Variants in RANBP2 observed in about 807,000 individuals in gnomAD.
The protein encoded by RANBP2 is RAN binding protein 2.
In RANBP2, 57 loss-of-function variants were observed where a neutral mutation model predicts 303.6. The ratio of observed to expected loss-of-function variants is 0.19; its 90% confidence interval spans 0.15 to 0.23. The LOEUF is 0.23. Ranked by LOEUF, RANBP2 falls within the 10% of genes least tolerant of loss-of-function variation. RANBP2 has a pLI of 1.00. For missense variants in RANBP2, 3,138 were observed against 3,780.8 expected (o/e 0.83, Z 4.46); for synonymous variants, 1,167 against 1,301.5 (o/e 0.90, Z 2.23).
chr2:109,706,763 G>A, the RANBP2 span, among the ~76,000 whole-genome samples: 2 of 152,236 alleles, frequency 1.3e-5, no homozygotes, highest in African/African-American at 2.4e-5. Context: ...GAATGAATGA[G>A]TGAATGAGCA....
the RANBP2 span, among the ~76,000 whole-genome samples, chr2:109,648,652 C>CTTTT: frequency 7.6e-6 from 1 of 131,316 alleles, no homozygotes. Flanking sequence ...TGATTTACAT[C>CTTTT]TTTTTTTTTT....
chr2:109,739,114 G>A, the RANBP2 span, among the ~76,000 whole-genome samples: 1 of 129,286 alleles, frequency 7.7e-6, no homozygotes, highest in African/African-American at 3.1e-5. Flanking sequence ...ATTGGTCTAT[G>A]TACATGGTTT....
chr2:109,138,803 T>C, the RANBP2 span, among the ~76,000 whole-genome samples: 1 of 152,222 alleles, frequency 6.6e-6, no homozygotes, highest in Non-Finnish European at 1.5e-5. Context: ...GTGATGTTAA[T>C]AATTAATTCA....
At chr2:109,380,728 C>T in the RANBP2 span, among the ~76,000 whole-genome samples, 1 of 152,168 alleles carries the variant, frequency 6.6e-6, no homozygotes, top group Admixed American at 6.5e-5. Context: ...TGCCATAGTT[C>T]CTGAGGTTTG....
the RANBP2 span, among the ~76,000 whole-genome samples, chr2:109,349,424 G>A: frequency 6.6e-6 from 1 of 152,102 alleles, no homozygotes; most frequent in East Asian, 1.9e-4. Flanking sequence ...CCACTCAGTC[G>A]GAGGGCGAGA....
At chr2:109,502,684 A>G in the RANBP2 span, 3 of 152,146 alleles carry the variant, frequency 2.0e-5, no homozygotes, top group Admixed American at 6.6e-5. Flanking sequence ...CAAGACCTGG[A>G]AACATTTCGA....
the RANBP2 span, among the ~76,000 whole-genome samples, chr2:109,189,367 C>CTTTTTT: frequency 2.7e-5 from 4 of 147,970 alleles, no homozygotes; most frequent in Non-Finnish European, 4.5e-5. Context: ...AGTCGTTTGA[C>CTTTTTT]TTTTTTTTTT....
chr2:109,064,612 G>A, the RANBP2 span, among the ~76,000 whole-genome samples: 2 of 152,098 alleles, frequency 1.3e-5, no homozygotes, highest in African/African-American at 2.4e-5. Flanking sequence ...AAAGTGCTAC[G>A]GAAATTCGTT....
chr2:109,197,154 C>T, the RANBP2 span, among the ~76,000 whole-genome samples: 1 of 152,294 alleles, frequency 6.6e-6, no homozygotes, highest in Non-Finnish European at 1.5e-5. Context: ...CTCCTGAGCT[C>T]CTGCTGCAGC....
the RANBP2 span, among the ~76,000 whole-genome samples, chr2:109,694,811 G>A: frequency 4.7e-5 from 7 of 150,094 alleles, no homozygotes; most frequent in Non-Finnish European, 1.0e-4. Context: ...ATGTGTGTGT[G>A]TGTGTGTGTG....
the RANBP2 span, among the ~76,000 whole-genome samples, chr2:109,029,579 C>T: frequency 6.6e-6 from 1 of 152,240 alleles, no homozygotes; most frequent in Non-Finnish European, 1.5e-5. Flanking sequence ...GCATGTGTGT[C>T]CCTGCCGGGC....
chr2:109,399,030 C>T, the RANBP2 span: 1 of 1,382,216 alleles, frequency 7.2e-7, no homozygotes, highest in Non-Finnish European at 9.8e-7. Context: ...CGTTCCTCAA[C>T]TAGCATGGAG....
chr2:109,410,246 C>T, the RANBP2 span, among the ~76,000 whole-genome samples: 3 of 152,338 alleles, frequency 2.0e-5, no homozygotes, highest in East Asian at 1.9e-4. Context: ...TGAAACACAT[C>T]GCCGTCACAG....
chr2:108,981,842 T>C, the RANBP2 span, among the ~76,000 whole-genome samples: 1 of 152,162 alleles, frequency 6.6e-6, no homozygotes, highest in African/African-American at 2.4e-5. Context: ...TGTGAAGCAG[T>C]GATGATTGTC....
At chr2:109,748,753 AT>A in the RANBP2 span, among the ~76,000 whole-genome samples, 1 of 151,430 alleles carries the variant, frequency 6.6e-6, no homozygotes, top group Admixed American at 6.6e-5. Flanking sequence ...TATGCCTCTA[AT>A]CCCAGCTACT....
the RANBP2 span, among the ~76,000 whole-genome samples, chr2:109,368,708 T>TAAAAAAAAA: frequency 7.3e-6 from 1 of 136,798 alleles, no homozygotes; most frequent in Non-Finnish European, 1.6e-5. Context: ...GTATTTTCTT[T>TAAAAAAAAA]AAAAAAAAAA....
the RANBP2 span, among the ~76,000 whole-genome samples, chr2:108,999,129 C>T: frequency 6.6e-6 from 1 of 152,244 alleles, no homozygotes. Context: ...CTGGAGATGC[C>T]TGGGTGCCGA....
chr2:109,218,230 A>G, the RANBP2 span, among the ~76,000 whole-genome samples: 1 of 151,916 alleles, frequency 6.6e-6, no homozygotes. Context: ...AGGGTCCTTC[A>G]TGTGGCATGG....
chr2:109,475,297 C>T, the RANBP2 span, among the ~76,000 whole-genome samples: 1 of 152,184 alleles, frequency 6.6e-6, no homozygotes, highest in Non-Finnish European at 1.5e-5. Flanking sequence ...CTTAAATCTC[C>T]GAGGGCTACA....
Sources: allele counts gnomAD v4.1 joint callset (sites outside exome capture counted in the v4.1 genomes callset), GRCh38; gene constraint gnomAD v4.1.1; transcripts MANE v1.5; gene names NCBI Gene and HGNC (gene_info 2026-07-23, HGNC 2026-07-21).